LACTB: variants seen among roughly 807,000 people sequenced by gnomAD.
The protein encoded by LACTB is lactamase beta, also known as serine beta-lactamase-like protein LACTB, mitochondrial.
LACTB carries 35 observed loss-of-function variants against 50.2 expected under a neutral mutation model. The ratio of observed to expected loss-of-function variants is 0.70; its 90% CI spans 0.53 to 0.92. The LOEUF (loss-of-function observed/expected upper bound fraction) is 0.92, where lower values mean the gene tolerates loss of function less well. Ranked by LOEUF, LACTB falls within the 40% of genes least tolerant of loss-of-function variation. The probability of loss-of-function intolerance (pLI) is 0.00; values close to 1 mark genes in which losing one functional copy is unlikely to be tolerated. For missense variants in LACTB, 664 were observed against 691.8 expected, an observed-to-expected ratio of 0.96 and a Z score of 0.45; for synonymous variants, 252 against 268.2, an observed-to-expected ratio of 0.94 and a Z score of 0.59.
At chr15:63,132,091 A>T (rs995779579) in intron 5 of LACTB, among the ~76,000 whole-genome samples, 1 of 152,074 alleles carries the variant, frequency 6.6e-6, no homozygotes, top group Non-Finnish European at 1.5e-5. Context: ...GTACATGTGC[A>T]GGTTTGTTAC....
chr15:63,141,874 A>T lies in LACTB; in HGVS notation c.*69A>T. 2 of 1,319,314 alleles carry T rather than the reference A, an allele frequency of 1.5e-6. No individual in the cohort carries two copies. The highest frequency in any genetic ancestry group is 2.3e-5 in the East Asian group (1 of 42,856). 81.7% of individuals were successfully genotyped at this position (1,319,314 alleles called of 1,614,324 possible). ...TTTTGAAACATTAAAGTTCCAAAAC[A>T]TGACATTTTTAAGAATAAATTTGAA... On this transcript the variant is annotated 3_prime_UTR_variant, in exon 6 of 6. Transcript: ENST00000261893.
chr15:63,129,732 T>A, intron 5 of LACTB, 82 bp downstream of exon 5: 2 of 1,350,686 alleles, frequency 1.5e-6, no homozygotes, highest in Non-Finnish European at 1.9e-6. Flanking sequence ...TTTCTTTGTT[T>A]CCATTCCAAA....
At chr15:63,124,387 C>T (rs916020366) in intron 2 of LACTB, among the ~76,000 whole-genome samples, 1 of 152,180 alleles carries the variant, frequency 6.6e-6, no homozygotes, top group Non-Finnish European at 1.5e-5. Flanking sequence ...TGGAACAGCT[C>T]GTGTCCTCGG....
At chr15:63,140,385 G>A (rs1041249492) in intron 5 of LACTB, among the ~76,000 whole-genome samples, 2 of 152,278 alleles carry the variant, frequency 1.3e-5, no homozygotes, top group South Asian at 2.1e-4. Flanking sequence ...TTTTAATGGA[G>A]AGAAACATGA....
intron 2 of LACTB, chr15:63,125,940 G>A (rs960047282): frequency 1.2e-4 from 18 of 151,136 alleles, no homozygotes; most frequent in Admixed American, 6.0e-4. Flanking sequence ...CTGAGCTCAA[G>A]TAATCCACCC....
chr15:63,131,726 C>G (rs1002706757), intron 5 of LACTB, among the ~76,000 whole-genome samples: 2 of 152,026 alleles, frequency 1.3e-5, no homozygotes, highest in African/African-American at 4.8e-5. Context: ...AGGAGGATTG[C>G]TTGAGCCCAA....
At chr15:63,134,839 T>TGTGTG (rs1566992748) in intron 5 of LACTB, among the ~76,000 whole-genome samples, 2 of 150,794 alleles carry the variant, frequency 1.3e-5, no homozygotes, top group Non-Finnish European at 1.5e-5. Context: ...TGTGTGTGTG[T>TGTGTG]TTTCATTCAG....
chr15:63,132,230 G>C (rs1425784226), intron 5 of LACTB, among the ~76,000 whole-genome samples: 1 of 151,988 alleles, frequency 6.6e-6, no homozygotes, highest in South Asian at 2.1e-4. Flanking sequence ...TGAGTCCTTG[G>C]TGTCTCTTGT....
rs188161455 is a variant in LACTB, at chr15:63,141,902, A to G, written c.*97A>G. On this transcript the variant is annotated 3_prime_UTR_variant, in exon 6 of 6. Coordinates refer to ENST00000261893, the MANE Select transcript of LACTB (RefSeq NM_032857.5). ...ACATTTTTAAGAATAAATTTGAAATAGAGTATAACTGAATGCAGAGAATTA... is the reference window on the plus strand; with the variant it reads ...ACATTTTTAAGAATAAATTTGAAATGGAGTATAACTGAATGCAGAGAATTA... The G allele has an allele frequency of 1.5e-4, 155 of 1,046,908 alleles. No individual in the cohort carries two copies. The African/African-American group carries it at 2.2e-3, about 15-fold the overall frequency. The allele number at this position is 1,046,908 out of a possible 1,614,324, so 64.9% of individuals were successfully genotyped here.
chr15:63,122,022 G>A lies in LACTB; in HGVS notation c.151G>A (p.Ala51Thr). The change falls in exon 1 of 6, where the codon GCG becomes ACG. Residue 51 changes from alanine (A) to threonine (T), a missense_variant. Physicochemically the swap from Ala to Thr is moderately conservative, Grantham distance 58. Transcript: ENST00000261893. ...GGGCCTCGGGCTGGGGCTGGGGCTG[G>A]CGCTCGGGGTGAAGCTGGCAGGTGG... The part of the protein sequence containing the change: ...VGGLGLGLGL[A>T]LGVKLAGGLR... 3 of 1,400,542 alleles carry A rather than the reference G, an allele frequency of 2.1e-6. No individual in the cohort carries two copies. The highest frequency in any genetic ancestry group is 2.8e-6 in the Non-Finnish European group (3 of 1,086,352). The allele number at this position is 1,400,542 out of a possible 1,614,324, so 86.8% of individuals were successfully genotyped here.
At chr15:63,137,121 A>G (rs1320013545) in intron 5 of LACTB, among the ~76,000 whole-genome samples, 2 of 152,224 alleles carry the variant, frequency 1.3e-5, no homozygotes, top group Non-Finnish European at 1.5e-5. Context: ...TGTTGTCTTG[A>G]ATAAAATTGG....
At chr15:63,125,514 ATAATC>A (rs1482955198) in intron 2 of LACTB, among the ~76,000 whole-genome samples, 3 of 152,328 alleles carry the variant, frequency 2.0e-5, no homozygotes, top group African/African-American at 7.2e-5. Context: ...AAGTATAAGT[ATAATC>A]TAATCATTAT....
rs146253415 is a variant in LACTB at position 63,127,607 on chromosome 15, C to A, written c.870C>A (p.Gly290=). The A allele has an allele frequency of 1.2e-6, 2 of 1,611,502 alleles. No individual in the cohort carries two copies. Among genetic ancestry groups the A allele is most frequent in the Non-Finnish European group, 8.5e-7 (1 of 1,178,642 alleles). Residue 290 remains glycine (G), a synonymous_variant, in exon 4 of 6, where the codon GGC becomes GGA. Transcript: ENST00000261893. ...PGKKKNDFEQ[G]ELYLREKFEN... ...AGAAAAAGAATGATTTTGAACAAGGCGAATTATATTTGAGAGAAAAGTTTG... is the reference window on the plus strand; with the variant it reads ...AGAAAAAGAATGATTTTGAACAAGGAGAATTATATTTGAGAGAAAAGTTTG...
intron 5 of LACTB, 74 bp downstream of exon 5, chr15:63,129,724 T>C: frequency 7.4e-7 from 1 of 1,356,064 alleles, no homozygotes. Context: ...AGTCAAATTT[T>C]CTTTGTTTCC....
At chr15:63,140,969 CAT>C (rs1225678904) in intron 5 of LACTB, 1 of 975,626 alleles carries the variant, frequency 1.0e-6, no homozygotes. Context: ...GCAAATATGT[CAT>C]GTGTAATATT....
chr15:63,127,704 C>T lies in LACTB; in HGVS notation c.952+15C>T. 6.9e-7 allele frequency: 1 copy of T among 1,451,204 alleles called. No individual in the cohort carries two copies. Among genetic ancestry groups the T allele is most frequent in the Non-Finnish European group, 9.4e-7 (1 of 1,059,134 alleles). 89.9% of individuals were successfully genotyped at this position (1,451,204 alleles called of 1,614,324 possible). A position where few individuals can be genotyped will look rare whatever the true frequency, so the allele number is the denominator to read the frequency against. On this transcript the variant is annotated intron_variant, in intron 4 of 5. Transcript: ENST00000261893. ...CTTCAAACCTGGTGAGTGTTAATCC[C>T]TTCTCTTAACAAAATCATCATTACT...
At chr15:63,129,678 G>C in intron 5 of LACTB, 28 bp downstream of exon 5, 4 of 1,472,464 alleles carry the variant, frequency 2.7e-6, no homozygotes, top group Non-Finnish European at 3.6e-6. Flanking sequence ...GCTGTGTCTA[G>C]CTATATCGCA....
chr15:63,132,656 A>C (rs2037144112), intron 5 of LACTB, among the ~76,000 whole-genome samples: 1 of 152,088 alleles, frequency 6.6e-6, no homozygotes. Flanking sequence ...CATCTCTACC[A>C]AAAGTACAAA....
intron 2 of LACTB, 55 bp downstream of exon 2, chr15:63,122,757 T>C: frequency 1.6e-6 from 2 of 1,236,808 alleles, no homozygotes; most frequent in Non-Finnish European, 2.4e-6. Context: ...TAAAATATTG[T>C]TTTACTGGTT....
Sources: gnomAD v4.1 joint callset for allele counts (sites outside exome capture counted in the v4.1 genomes callset) on GRCh38, gnomAD v4.1.1 for gene constraint, MANE v1.5 for transcripts, NCBI Gene and HGNC (gene_info 2026-07-23, HGNC 2026-07-21) for gene names.